The following ACCSL variants were observed in gnomAD, a reference collection of about 807,000 sequenced individuals.
ACCSL encodes probable inactive 1-aminocyclopropane-1-carboxylate synthase-like protein 2.
In ACCSL, 55 loss-of-function variants were observed where a neutral mutation model predicts 61.7. The observed-to-expected ratio is 0.89, with a 90% CI of 0.72 to 1.12. The LOEUF is 1.12. Ranked by LOEUF, ACCSL falls within the 50% of genes most tolerant of loss-of-function variation. The pLI, the probability that ACCSL is intolerant of heterozygous loss-of-function variation, is 0.00. For synonymous variants in ACCSL, 258 were observed against 264.3 expected (o/e 0.98, Z 0.23); for missense variants, 632 against 698.0 (o/e 0.91, Z 1.07).
chr11:43,965,092 C>A, the ACCSL span, among the ~76,000 whole-genome samples: 1 of 151,904 alleles, frequency 6.6e-6, no homozygotes, highest in African/African-American at 2.4e-5. Flanking sequence ...CTAGCCAGAG[C>A]AATTAGGCAA....
the ACCSL span, among the ~76,000 whole-genome samples, chr11:44,012,180 C>T: frequency 6.6e-6 from 1 of 152,130 alleles, no homozygotes; most frequent in East Asian, 1.9e-4. Flanking sequence ...AATAGAGGTT[C>T]CCATTTATGC....
At chr11:44,018,244 G>A in the ACCSL span, among the ~76,000 whole-genome samples, 1,277 of 152,212 alleles carry the variant, frequency 8.4e-3, 8 homozygotes, top group Non-Finnish European at 0.014. Context: ...AGCTTCCCAG[G>A]GAGCATCACA....
At chr11:43,928,145 T>G in the ACCSL span, among the ~76,000 whole-genome samples, 1 of 151,938 alleles carries the variant, frequency 6.6e-6, no homozygotes, top group Non-Finnish European at 1.5e-5. Context: ...CCTTGGTAGC[T>G]TATGTTGAGC....
chr11:43,943,437 G>GC, the ACCSL span: 1 of 1,437,918 alleles, frequency 7.0e-7, no homozygotes, highest in African/African-American at 1.4e-5. This position sits in a 1 kb window ranked among gnomAD's most constrained non-coding sequence, Gnocchi z 4.8. Context: ...CGGTCGGTGC[G>GC]CCCCTCGCCG....
At chr11:43,932,965 G>A in the ACCSL span, 1 of 412,826 alleles carries the variant, frequency 2.4e-6, no homozygotes, top group Admixed American at 2.7e-5. Context: ...AGCTCTAATA[G>A]CAGAGGCTGG....
chr11:44,023,821 C>G, the ACCSL span, among the ~76,000 whole-genome samples: 1 of 152,054 alleles, frequency 6.6e-6, no homozygotes, highest in African/African-American at 2.4e-5. Flanking sequence ...ATTTAGTGGT[C>G]TCTCATAAGT....
chr11:43,987,557 A>G, the ACCSL span, among the ~76,000 whole-genome samples: 2 of 152,086 alleles, frequency 1.3e-5, no homozygotes, highest in African/African-American at 4.8e-5. Context: ...CTGTCTGGGA[A>G]TGGAGGGAAG....
chr11:44,034,950 A>C, the ACCSL span, among the ~76,000 whole-genome samples: 1 of 152,186 alleles, frequency 6.6e-6, no homozygotes, highest in Non-Finnish European at 1.5e-5. Context: ...GTAAAAGCTA[A>C]AGTGGCTATC....
upstream of ACCSL, among the ~76,000 whole-genome samples, chr11:44,047,514 T>G (rs1320834200): frequency 6.6e-6 from 1 of 152,094 alleles, no homozygotes; most frequent in African/African-American, 2.4e-5. Context: ...GCAGCCATAA[T>G]CAAGACATAA....
the ACCSL span, among the ~76,000 whole-genome samples, chr11:43,956,037 A>G: frequency 2.6e-5 from 4 of 151,952 alleles, no homozygotes; most frequent in Admixed American, 6.6e-5. Context: ...AGCCTCCAGA[A>G]TCACAGAAGA....
the ACCSL span, among the ~76,000 whole-genome samples, chr11:43,981,096 A>AAAAC: frequency 0.2 from 30,079 of 151,574 alleles, 3,210 homozygotes; most frequent in African/African-American, 0.23. Context: ...ATGGGGCAGG[A>AAAAC]AAACAAACAA....
At chr11:43,930,072 A>G in the ACCSL span, among the ~76,000 whole-genome samples, 1 of 152,184 alleles carries the variant, frequency 6.6e-6, no homozygotes, top group Non-Finnish European at 1.5e-5. Flanking sequence ...AGAGGAAGGC[A>G]CTCCCGAGAG....
the ACCSL span, among the ~76,000 whole-genome samples, chr11:44,035,071 C>T: frequency 6.6e-6 from 1 of 152,152 alleles, no homozygotes; most frequent in African/African-American, 2.4e-5. Flanking sequence ...TTCCTTCCCC[C>T]AGAGATCCAT....
rs267602878 is a variant in ACCSL at position 44,051,359 on chromosome 11, C to T, written c.660C>T (p.Phe220=). 6.2e-7 allele frequency: 1 copy of T among 1,614,184 alleles called. No homozygotes were observed. The highest frequency in any genetic ancestry group is 8.5e-7 in the Non-Finnish European group (1 of 1,180,048). The stretch of plus-strand genomic sequence containing the variant: ...GCCTGCGGGAAGAAGTGGCCCGGTT[C>T]CTGACCTACTACTGCAGGGCACCTA... ...QPFLREEVAR[F]LTYYCRAPTR... The change falls in exon 4 of 14, where the codon TTC becomes TTT. Residue 220 remains phenylalanine, a synonymous_variant. Transcript: ENST00000378832.
At chr11:43,924,651 A>G in the ACCSL span, among the ~76,000 whole-genome samples, 1 of 152,212 alleles carries the variant, frequency 6.6e-6, no homozygotes, top group Non-Finnish European at 1.5e-5. Context: ...ACCTCGCAGG[A>G]AGGCACCCAG....
At chr11:43,933,991 G>C in the ACCSL span, among the ~76,000 whole-genome samples, 1 of 152,132 alleles carries the variant, frequency 6.6e-6, no homozygotes, top group African/African-American at 2.4e-5. Context: ...CATGAATGGG[G>C]CCACCGGGGC....
chr11:43,984,013 C>T, the ACCSL span, among the ~76,000 whole-genome samples: 4 of 151,832 alleles, frequency 2.6e-5, no homozygotes, highest in African/African-American at 4.8e-5. Context: ...GGTACTTGGG[C>T]GGCTGAGGCA....
chr11:43,968,003 A>G, the ACCSL span, among the ~76,000 whole-genome samples: 1 of 152,126 alleles, frequency 6.6e-6, no homozygotes, highest in Non-Finnish European at 1.5e-5. Flanking sequence ...ATTATTTTAG[A>G]GCAGTGGTTC....
the ACCSL span, among the ~76,000 whole-genome samples, chr11:44,012,859 A>G: frequency 1.3e-5 from 2 of 152,212 alleles, no homozygotes; most frequent in African/African-American, 2.4e-5. Flanking sequence ...GGCTCTTTCC[A>G]TATTACAGTC....
Sources: gnomAD v4.1 joint callset for allele counts (sites outside exome capture counted in the v4.1 genomes callset) on GRCh38, gnomAD v4.1.1 for gene constraint, Gnocchi (gnomAD v3.1) non-coding constraint, MANE v1.5 for transcripts, NCBI Gene and HGNC (gene_info 2026-07-23, HGNC 2026-07-21) for gene names.